VAC14: variants seen among roughly 807,000 people sequenced by gnomAD.
VAC14 encodes the protein protein VAC14 homolog.
In VAC14, 47 loss-of-function variants were observed where a neutral mutation model predicts 85.3. The ratio of observed to expected loss-of-function variants is 0.55; its 90% CI spans 0.44 to 0.70. VAC14 has a LOEUF of 0.70. Ranked by LOEUF, VAC14 falls within the 30% of genes least tolerant of loss-of-function variation. The pLI, the probability that VAC14 is intolerant of heterozygous loss-of-function variation, is 0.00. For missense variants in VAC14, 861 were observed against 1,004.3 expected (o/e 0.86, Z 1.93); for synonymous variants, 447 against 430.5 (o/e 1.04, Z -0.47).
rs1457903948 is a variant in VAC14, at chr16:70,780,765, A to C, written c.1096+25T>G. On this transcript the variant is annotated intron_variant, in intron 9 of 18. Transcript: ENST00000261776. The stretch of plus-strand genomic sequence containing the variant: ...CTCCCTGGGCCCCCGACAGGAGGTG[A>C]GGTGTAGGGACGGAGTCCACTCACC... The C allele has an allele frequency of 2.6e-6, 4 of 1,552,238 alleles. No homozygotes were observed. In the Admixed American group the frequency reaches 7.5e-5, roughly 29 times the overall value.
chr16:70,786,434 G>A (rs925555042), intron 1 of VAC14, 69 bp from the exon 2 acceptor site: 28 of 1,576,248 alleles, frequency 1.8e-5, no homozygotes, highest in South Asian at 1.0e-4. Context: ...GGCCTGGGGC[G>A]GCAATGAGGA....
chr16:70,691,932 G>C, intron 18 of VAC14: 1 of 985,366 alleles, frequency 1.0e-6, no homozygotes, highest in Non-Finnish European at 1.2e-6. Context: ...CGCCAGGCCT[G>C]CTGAGTGGCT....
chr16:70,795,113 TGTGA>T (rs1221354614), intron 1 of VAC14, among the ~76,000 whole-genome samples: 3 of 152,168 alleles, frequency 2.0e-5, no homozygotes, highest in Admixed American at 6.5e-5. Flanking sequence ...TCTAGGTTTG[TGTGA>T]GTAACTCTAT....
At chr16:70,784,643 C>T (rs1027379276) in intron 4 of VAC14, 133 bp downstream of exon 4, 5 of 884,440 alleles carry the variant, frequency 5.7e-6, no homozygotes, top group Admixed American at 1.9e-5. Flanking sequence ...GAACTGCACA[C>T]CAGGGAGTAC....
At chr16:70,725,866 C>G (rs988897056) in intron 14 of VAC14, among the ~76,000 whole-genome samples, 2 of 152,218 alleles carry the variant, frequency 1.3e-5, no homozygotes, top group African/African-American at 4.8e-5. Flanking sequence ...TGGGCCGGTT[C>G]GGATCAGGCC....
intron 18 of VAC14, chr16:70,689,335 C>T (rs1037360964): frequency 1.0e-5 from 10 of 985,322 alleles, no homozygotes; most frequent in African/African-American, 7.0e-5. Flanking sequence ...TGAGGCCAGC[C>T]GGGGCCCAGC....
At chr16:70,777,814 T>C (rs755825730) in intron 9 of VAC14, among the ~76,000 whole-genome samples, 1 of 152,070 alleles carries the variant, frequency 6.6e-6, no homozygotes, top group Non-Finnish European at 1.5e-5. Flanking sequence ...AGGCCAGGCA[T>C]GAGGTCCTGT....
chr16:70,702,240 G>T (rs1328005240), intron 14 of VAC14, among the ~76,000 whole-genome samples: 1 of 150,280 alleles, frequency 6.7e-6, no homozygotes, highest in African/African-American at 2.4e-5. Flanking sequence ...ATCAGGCCAA[G>T]CCCTGCCCAG....
At chr16:70,723,398 G>A (rs1390668140) in intron 14 of VAC14, among the ~76,000 whole-genome samples, 1 of 152,000 alleles carries the variant, frequency 6.6e-6, no homozygotes, top group African/African-American at 2.4e-5. Context: ...ACTCCACATA[G>A]CCCAGTGACT....
intron 14 of VAC14, among the ~76,000 whole-genome samples, chr16:70,724,046 T>C (rs2054360605): frequency 6.6e-6 from 1 of 152,210 alleles, no homozygotes; most frequent in African/African-American, 2.4e-5. Context: ...CCACCAGCCC[T>C]GCTCAAAGCC....
intron 13 of VAC14, among the ~76,000 whole-genome samples, chr16:70,738,507 G>T (rs536803086): frequency 6.6e-6 from 1 of 152,154 alleles, no homozygotes. Context: ...CTGCCACCGG[G>T]AAAGAGCTAT....
rs117951288 is a variant in VAC14 at position 70,769,314 on chromosome 16, G to A, written c.1160+2795C>T. On this transcript the variant is annotated intron_variant, in intron 10 of 18. Transcript: ENST00000261776. ...AACTGAGTGAAACTGGTGGCCTCAC[G>A]TGGTGCCTTGGGCAAGCGGCGCAGC... 5.4e-3 allele frequency: 830 copies of A among 153,408 alleles called. 3 individuals carry two copies. Among genetic ancestry groups the A allele is most frequent in the Non-Finnish European group, 9.8e-3 (675 of 68,734 alleles). 9.5% of individuals were successfully genotyped at this position (153,408 alleles called of 1,614,324 possible).
chr16:70,792,516 T>C (rs554782618), intron 1 of VAC14, among the ~76,000 whole-genome samples: 1 of 152,352 alleles, frequency 6.6e-6, no homozygotes, highest in East Asian at 1.9e-4. Flanking sequence ...CTCTAGAGGC[T>C]GCTCAGAGCC....
chr16:70,780,661 CTACAATTGTGTGAGTGACA>C (rs1423772405), intron 9 of VAC14, 110 bp downstream of exon 9: 1 of 1,237,530 alleles, frequency 8.1e-7, no homozygotes, highest in African/African-American at 1.5e-5. Context: ...TGGGTTGCTG[CTACAATTGTGTGAGTGACA>C]TACATAAAGT....
chr16:70,694,351 T>C (rs1567519846), intron 17 of VAC14, among the ~76,000 whole-genome samples: 1 of 152,310 alleles, frequency 6.6e-6, no homozygotes, highest in South Asian at 2.1e-4. Context: ...CCTGTGTCCC[T>C]GGGAGGCCCT....
intron 12 of VAC14, among the ~76,000 whole-genome samples, chr16:70,753,629 A>G (rs944654125): frequency 6.6e-6 from 1 of 152,000 alleles, no homozygotes; most frequent in African/African-American, 2.4e-5. Context: ...AGAGATGTGC[A>G]CCAAACCCAC....
rs372147246 is a variant in VAC14, at chr16:70,785,764, C to T, written c.361G>A (p.Val121Ile). The T allele has an allele frequency of 6.3e-6, 10 of 1,582,202 alleles. No homozygotes were observed. In the East Asian group the frequency reaches 1.4e-4, roughly 22 times the overall value. Residue 121 changes from valine (V) to isoleucine (I), a missense_variant, in exon 3 of 19, where the codon GTC (valine) becomes ATC (isoleucine). Physicochemically the swap from Val to Ile is conservative, Grantham distance 29. Around this residue, in one of 3 missense-constraint regions of VAC14, gnomAD observed 629 missense variants for 703.1 expected, o/e 0.89. Coordinates refer to ENST00000261776, the MANE Select transcript of VAC14 (RefSeq NM_018052.5). ...YYACEALYNI[V>I]KVARGAVLPH... is the part of the protein sequence containing the mutation. ...AGCACAGCGCCCCGGGCCACCTTGA[C>T]GATGTTGTAGAGGGCCTCGCAGGCA...
intron 13 of VAC14, among the ~76,000 whole-genome samples, chr16:70,733,842 T>C (rs1361274786): frequency 1.3e-5 from 2 of 152,158 alleles, no homozygotes; most frequent in African/African-American, 4.8e-5. Context: ...GTTTTTGTTT[T>C]TGAGACAGAG....
intron 14 of VAC14, among the ~76,000 whole-genome samples, chr16:70,708,266 G>A (rs532143351): frequency 1.3e-4 from 20 of 152,310 alleles, no homozygotes; most frequent in African/African-American, 4.6e-4. Flanking sequence ...GGCCCTCCCT[G>A]AGCCCTGGTT....
Sources: allele counts gnomAD v4.1 joint callset (sites outside exome capture counted in the v4.1 genomes callset), GRCh38; gene constraint gnomAD v4.1.1; regional missense constraint gnomAD v4.1.1; transcripts MANE v1.5; gene names NCBI Gene and HGNC (gene_info 2026-07-23, HGNC 2026-07-21).